ZFHX3: variants seen among roughly 807,000 people sequenced by gnomAD.
ZFHX3 encodes zinc finger homeobox protein 3.
In ZFHX3, 42 loss-of-function variants were observed where a neutral mutation model predicts 279.1. The ratio of observed to expected loss-of-function variants is 0.15; its 90% CI spans 0.12 to 0.19. ZFHX3 has a LOEUF of 0.19. ZFHX3 is among the 10% of genes least tolerant of loss of function. The pLI, the probability that ZFHX3 is intolerant of heterozygous loss-of-function variation, is 1.00. For missense variants in ZFHX3, 4,981 were observed against 4,754.0 expected, an observed-to-expected ratio of 1.05 and a Z score of -1.40; for synonymous variants, 2,293 against 1,957.8, an observed-to-expected ratio of 1.17 and a Z score of -4.52.
intron 1 of ZFHX3, among the ~76,000 whole-genome samples, chr16:73,735,239 T>C (rs62042428): frequency 0.1 from 15,852 of 152,100 alleles, 1,159 homozygotes; most frequent in Middle Eastern, 0.15. Context: ...GAATGAAATC[T>C]TGTGAAGGTG....
intron 1 of ZFHX3, among the ~76,000 whole-genome samples, chr16:73,859,301 TG>T (rs1441579655): frequency 1.3e-5 from 2 of 152,204 alleles, no homozygotes; most frequent in Admixed American, 1.3e-4. Context: ...GTTACCCGGC[TG>T]GGGAGTCAGA....
chr16:72,958,779 A>C lies in ZFHX3; in HGVS notation c.1367T>G (p.Val456Gly). The change falls in exon 2 of 10, where the codon GTA becomes GGA. Residue 456 changes from valine to glycine, a missense_variant. By Grantham distance (109) the Val-to-Gly change is moderately radical (BLOSUM62 -3). Transcript: ENST00000268489. ...CTCCGCCTCCTCTTCGGCTGGCTCTACCTTCTCAGAGAAGCAATCCCCGTC... is the reference window on the plus strand; with the variant it reads ...CTCCGCCTCCTCTTCGGCTGGCTCTCCCTTCTCAGAGAAGCAATCCCCGTC... ...VGDGDCFSEK[V>G]EPAEEEAEEE... 4 of 1,612,594 alleles carry C rather than the reference A, an allele frequency of 2.5e-6. No homozygotes were observed. The highest frequency in any genetic ancestry group is 2.5e-6 in the Non-Finnish European group (3 of 1,179,618).
intron 4 of ZFHX3, among the ~76,000 whole-genome samples, chr16:73,275,119 A>G (rs2014258088): frequency 2.0e-5 from 3 of 152,124 alleles, no homozygotes; most frequent in African/African-American, 7.2e-5. Context: ...CCAGGTTGCC[A>G]TTTCCTGTTT....
chr16:73,196,995 C>A (rs1236170038), intron 5 of ZFHX3, among the ~76,000 whole-genome samples: 1 of 152,080 alleles, frequency 6.6e-6, no homozygotes, highest in Non-Finnish European at 1.5e-5. Context: ...TGGAACACCA[C>A]CAGCAACCCT....
chr16:73,706,317 C>T (rs1227083169), intron 1 of ZFHX3, among the ~76,000 whole-genome samples: 29 of 151,862 alleles, frequency 1.9e-4, no homozygotes, highest in Admixed American at 1.9e-3. Flanking sequence ...AAAAAATTAG[C>T]TGGGTGTCGT....
chr16:72,935,844 A>G (rs1960094280), intron 3 of ZFHX3, among the ~76,000 whole-genome samples: 1 of 152,164 alleles, frequency 6.6e-6, no homozygotes, highest in African/African-American at 2.4e-5. Flanking sequence ...GGGTGAGAAT[A>G]AACAGATCCC....
intron 3 of ZFHX3, among the ~76,000 whole-genome samples, chr16:73,416,122 C>CAAAAAA (rs1234376040): frequency 6.7e-5 from 5 of 74,810 alleles, no homozygotes; most frequent in East Asian, 7.4e-4. Flanking sequence ...GACTCCATCT[C>CAAAAAA]AAAAAAAAAA....
At chr16:72,851,262 G>T (rs2037610488) in intron 4 of ZFHX3, among the ~76,000 whole-genome samples, 1 of 152,096 alleles carries the variant, frequency 6.6e-6, no homozygotes, top group South Asian at 2.1e-4. Flanking sequence ...AGGCCTCCAA[G>T]GGGAGGCCAA....
intron 1 of ZFHX3, among the ~76,000 whole-genome samples, chr16:73,026,371 T>G (rs943455474): frequency 1.3e-5 from 2 of 149,244 alleles, no homozygotes; most frequent in Admixed American, 1.3e-4. Context: ...AGACTCTGTC[T>G]CAAAAACAAA....
intron 1 of ZFHX3, among the ~76,000 whole-genome samples, chr16:73,870,056 A>T (rs1016185606): frequency 2.0e-5 from 3 of 152,212 alleles, no homozygotes; most frequent in Non-Finnish European, 2.9e-5. Flanking sequence ...TTGACTCTTT[A>T]TTGAGCTATT....
chr16:73,427,581 T>C (rs2017832040), intron 3 of ZFHX3, among the ~76,000 whole-genome samples: 1 of 152,106 alleles, frequency 6.6e-6, no homozygotes, highest in Non-Finnish European at 1.5e-5. Context: ...TCCTGTGCCC[T>C]GCACGTTGGT....
chr16:73,115,687 T>C (rs1030786316), intron 7 of ZFHX3, among the ~76,000 whole-genome samples: 16 of 152,298 alleles, frequency 1.1e-4, no homozygotes, highest in African/African-American at 3.8e-4. Context: ...ACGTCTTTCA[T>C]TTGGCCCTCA....
chr16:73,576,174 C>T (rs925288184), intron 2 of ZFHX3, among the ~76,000 whole-genome samples: 1 of 151,832 alleles, frequency 6.6e-6, no homozygotes, highest in Non-Finnish European at 1.5e-5. Flanking sequence ...AAAAACAATC[C>T]CCATTTAAGC....
At chr16:73,036,136 A>ACT (rs369817506) in intron 1 of ZFHX3, among the ~76,000 whole-genome samples, 20 of 150,932 alleles carry the variant, frequency 1.3e-4, no homozygotes, top group South Asian at 4.2e-4. Context: ...GCATAGACAG[A>ACT]CTCTCTCTCT....
At chr16:73,559,100 T>G (rs1487429843) in intron 2 of ZFHX3, among the ~76,000 whole-genome samples, 1 of 151,786 alleles carries the variant, frequency 6.6e-6, no homozygotes, top group Non-Finnish European at 1.5e-5. Context: ...CTAGCTGGAG[T>G]GCAGTGGTGC....
chr16:73,871,885 G>A (rs1047905029), intron 1 of ZFHX3, among the ~76,000 whole-genome samples: 3 of 152,186 alleles, frequency 2.0e-5, no homozygotes, highest in African/African-American at 7.2e-5. Flanking sequence ...TTATGGAAAT[G>A]AAACTGGGCT....
At chr16:72,910,144 T>C (rs1446963782) in intron 3 of ZFHX3, among the ~76,000 whole-genome samples, 1 of 152,152 alleles carries the variant, frequency 6.6e-6, no homozygotes, top group Non-Finnish European at 1.5e-5. Flanking sequence ...GAATAAGGGT[T>C]AAGGTTATAC....
chr16:73,886,505 A>C (rs1230348973), intron 1 of ZFHX3, among the ~76,000 whole-genome samples: 3 of 152,216 alleles, frequency 2.0e-5, no homozygotes, highest in African/African-American at 7.2e-5. Context: ...AATCTCAGAA[A>C]GCACTTCTTA....
chr16:72,831,748 A>G (rs1158144569), intron 4 of ZFHX3, among the ~76,000 whole-genome samples: 1 of 152,224 alleles, frequency 6.6e-6, no homozygotes, highest in Non-Finnish European at 1.5e-5. Flanking sequence ...GTCAATGAAT[A>G]TTATTGCATT....
Sources: allele counts gnomAD v4.1 joint callset (sites outside exome capture counted in the v4.1 genomes callset), GRCh38; gene constraint gnomAD v4.1.1; transcripts MANE v1.5; gene names NCBI Gene and HGNC (gene_info 2026-07-23, HGNC 2026-07-21).